ZNF804A: variants seen among roughly 807,000 people sequenced by gnomAD.
ZNF804A encodes zinc finger protein 804A.
A neutral mutation model predicts 16.5 loss-of-function variants in ZNF804A; 2 were observed. That is an observed-to-expected ratio of 0.12 (90% CI 0.05 to 0.38). The LOEUF is 0.38. ZNF804A is among the 10% of genes least tolerant of loss of function. The pLI is 0.99. For missense variants in ZNF804A, 1,473 were observed against 1,390.7 expected, an observed-to-expected ratio of 1.06 and a Z score of -0.94; for synonymous variants, 534 against 489.6, an observed-to-expected ratio of 1.09 and a Z score of -1.20.
chr2:184,858,333 G>A (rs1007353432), intron 1 of ZNF804A, among the ~76,000 whole-genome samples: 31 of 151,556 alleles, frequency 2.0e-4, no homozygotes, highest in Admixed American at 1.6e-3. Flanking sequence ...GCGAAACCCC[G>A]TCTCTATTAA....
intron 1 of ZNF804A, among the ~76,000 whole-genome samples, chr2:184,792,587 C>T (rs1264571457): frequency 6.6e-6 from 1 of 152,048 alleles, no homozygotes; most frequent in African/African-American, 2.4e-5. Context: ...CTGGTATATA[C>T]TTTGCAAATG....
chr2:184,710,203 A>T (rs1693103644), intron 1 of ZNF804A, among the ~76,000 whole-genome samples: 1 of 151,590 alleles, frequency 6.6e-6, no homozygotes, highest in Admixed American at 6.6e-5. Flanking sequence ...AAAATTGTGT[A>T]AGTTTTGAAG....
At position 184,853,801 on chromosome 2, in the gene ZNF804A, C is replaced by T. The variant is rs541924658; in HGVS notation, c.112-12568C>T. ...TGCTGTTGAATTTTGTTTGCTAGTACTTTATGCTGAGGATTTTTCCACCAA... is the reference window on the plus strand; with the variant it reads ...TGCTGTTGAATTTTGTTTGCTAGTATTTTATGCTGAGGATTTTTCCACCAA... On this transcript the variant is annotated intron_variant, in intron 1 of 3. Coordinates refer to ENST00000302277, the MANE Select transcript of ZNF804A (RefSeq NM_194250.2). 2.7e-4 allele frequency among the ~76,000 whole-genome samples: 39 copies of T among 143,788 alleles called. 1 individual carries two copies. Among genetic ancestry groups the T allele is most frequent in the African/African-American group, 1.1e-3 (38 of 35,858 alleles). 94.3% of individuals were successfully genotyped at this position (143,788 alleles called of 152,430 possible). A position where few individuals can be genotyped will look rare whatever the true frequency, so the allele number is the denominator to read the frequency against.
intron 3 of ZNF804A, 57 bp from the exon 4 acceptor site, chr2:184,935,722 TTGAC>T: frequency 6.1e-6 from 9 of 1,481,986 alleles, no homozygotes; most frequent in Non-Finnish European, 8.1e-6. Context: ...ATGAAAATAT[TTGAC>T]TATTTTTTTT....
intron 1 of ZNF804A, among the ~76,000 whole-genome samples, chr2:184,707,224 G>A (rs1005822850): frequency 2.6e-5 from 4 of 152,054 alleles, no homozygotes; most frequent in Non-Finnish European, 5.9e-5. Context: ...CTCTTAATAT[G>A]TGTACATGGG....
At chr2:184,843,964 AT>A (rs767957603) in intron 1 of ZNF804A, among the ~76,000 whole-genome samples, 5 of 151,330 alleles carry the variant, frequency 3.3e-5, no homozygotes, top group Admixed American at 1.3e-4. Context: ...TCTCCTCCCC[AT>A]TTTTTCTGCC....
At chr2:184,839,459 G>C (rs1033986803) in intron 1 of ZNF804A, among the ~76,000 whole-genome samples, 4 of 152,022 alleles carry the variant, frequency 2.6e-5, no homozygotes, top group Non-Finnish European at 5.9e-5. Context: ...ATTTCCTAAA[G>C]TAAAATATTA....
intron 1 of ZNF804A, among the ~76,000 whole-genome samples, chr2:184,605,909 A>C (rs1691138068): frequency 1.3e-5 from 2 of 152,184 alleles, no homozygotes; most frequent in South Asian, 4.1e-4. Context: ...TAAATAATTA[A>C]AATTCAATCA....
chr2:184,616,021 C>T (rs1016937904), intron 1 of ZNF804A, among the ~76,000 whole-genome samples: 17 of 152,188 alleles, frequency 1.1e-4, no homozygotes, highest in Admixed American at 1.0e-3. Context: ...ACAGGGTCAC[C>T]TTTGAATCTG....
chr2:184,934,146 T>G (rs1037193284), intron 3 of ZNF804A, among the ~76,000 whole-genome samples: 14 of 152,094 alleles, frequency 9.2e-5, no homozygotes, highest in Non-Finnish European at 1.8e-4. Flanking sequence ...TAAAATTATG[T>G]TTAAGATTCT....
intron 1 of ZNF804A, among the ~76,000 whole-genome samples, chr2:184,640,997 C>G (rs1032992377): frequency 1.3e-5 from 2 of 152,114 alleles, no homozygotes; most frequent in Non-Finnish European, 2.9e-5. Context: ...CTCTGTCGCT[C>G]AGGCTGGAGT....
intron 1 of ZNF804A, among the ~76,000 whole-genome samples, chr2:184,848,953 A>G (rs1219130385): frequency 6.6e-6 from 1 of 151,714 alleles, no homozygotes; most frequent in African/African-American, 2.4e-5. Context: ...TGTGTAGATA[A>G]TTTATTTGAG....
chr2:184,867,095 TC>T (rs1695888678), intron 2 of ZNF804A, among the ~76,000 whole-genome samples: 1 of 151,900 alleles, frequency 6.6e-6, no homozygotes, highest in Non-Finnish European at 1.5e-5. Flanking sequence ...CAATTATAAA[TC>T]CCAGATTAAT....
chr2:184,671,799 C>A (rs1692342188), intron 1 of ZNF804A, among the ~76,000 whole-genome samples: 1 of 152,214 alleles, frequency 6.6e-6, no homozygotes, highest in South Asian at 2.1e-4. Flanking sequence ...TCTTCAGATT[C>A]ACAAATCTCT....
At chr2:184,793,367 T>C (rs970507398) in intron 1 of ZNF804A, among the ~76,000 whole-genome samples, 21 of 152,266 alleles carry the variant, frequency 1.4e-4, no homozygotes, top group African/African-American at 5.1e-4. Flanking sequence ...TCCACAGAGA[T>C]TGGCTTAATT....
At chr2:184,704,368 T>C (rs1692984904) in intron 1 of ZNF804A, among the ~76,000 whole-genome samples, 1 of 152,056 alleles carries the variant, frequency 6.6e-6, no homozygotes, top group Non-Finnish European at 1.5e-5. Flanking sequence ...GTCAGGCTGG[T>C]CTCGAACTCC....
At chr2:184,896,643 A>G (rs1685074276) in intron 2 of ZNF804A, among the ~76,000 whole-genome samples, 1 of 152,146 alleles carries the variant, frequency 6.6e-6, no homozygotes, top group Admixed American at 6.6e-5. Context: ...TATTTTTCTC[A>G]TATAGACAAA....
intron 1 of ZNF804A, among the ~76,000 whole-genome samples, chr2:184,856,878 T>C (rs562553351): frequency 5.3e-4 from 81 of 152,198 alleles, no homozygotes; most frequent in Middle Eastern, 3.4e-3. Context: ...AACACTCTAG[T>C]CTCAAGCATA....
At chr2:184,739,078 C>G (rs551087213) in intron 1 of ZNF804A, among the ~76,000 whole-genome samples, 1 of 152,244 alleles carries the variant, frequency 6.6e-6, no homozygotes, top group African/African-American at 2.4e-5. Context: ...TTTTATCATG[C>G]TGACTAAATT....
Sources: allele counts gnomAD v4.1 joint callset (sites outside exome capture counted in the v4.1 genomes callset), GRCh38; gene constraint gnomAD v4.1.1; transcripts MANE v1.5; gene names NCBI Gene and HGNC (gene_info 2026-07-23, HGNC 2026-07-21).